The following PEBP4 variants were observed in gnomAD, a reference collection of about 807,000 sequenced individuals.
The protein encoded by PEBP4 is phosphatidylethanolamine-binding protein 4.
In PEBP4, 22 loss-of-function variants were observed where a neutral mutation model predicts 23.9. That is an observed-to-expected ratio of 0.92 (90% CI 0.66 to 1.31). The LOEUF is 1.31. Ranked by LOEUF, PEBP4 falls within the 40% of genes most tolerant of loss-of-function variation. The pLI, the probability that PEBP4 is intolerant of heterozygous loss-of-function variation, is 0.00. For missense variants in PEBP4, 324 were observed against 281.7 expected (o/e 1.15, Z -1.07); for synonymous variants, 112 against 99.3 (o/e 1.13, Z -0.76).
intron 4 of PEBP4, among the ~76,000 whole-genome samples, chr8:22,780,190 C>T (rs1490922067): frequency 6.6e-6 from 1 of 152,170 alleles, no homozygotes; most frequent in Non-Finnish European, 1.5e-5. Flanking sequence ...TCTCAAACTC[C>T]TAAGCTCAAG....
intron 4 of PEBP4, among the ~76,000 whole-genome samples, chr8:22,802,045 C>T (rs936399063): frequency 6.6e-6 from 1 of 152,168 alleles, no homozygotes; most frequent in Non-Finnish European, 1.5e-5. Flanking sequence ...TGTCCTTCCA[C>T]CCTGCTGAAG....
intron 2 of PEBP4, among the ~76,000 whole-genome samples, chr8:22,920,603 T>C (rs1158367352): frequency 5.9e-5 from 9 of 152,194 alleles, no homozygotes; most frequent in Non-Finnish European, 1.0e-4. Flanking sequence ...GAAAGTATAA[T>C]ATTAATTATC....
chr8:22,927,830 TA>T lies in PEBP4; in HGVS notation c.-15del. ...ACTTGGCAGGATAGAGACCTCTGGT[TA>T]AGCACAGGGAGAAGGACAGGCAGCT... On this transcript the variant is annotated 5_prime_UTR_variant, in exon 1 of 7. Coordinates refer to ENST00000256404, the MANE Select transcript of PEBP4 (RefSeq NM_144962.3). 2.2e-6 allele frequency: 3 copies of T among 1,372,724 alleles called. No individual in the cohort carries two copies. The South Asian group carries it at 3.9e-5, about 18-fold the overall frequency. The allele number at this position is 1,372,724 out of a possible 1,614,324, so 85.0% of individuals were successfully genotyped here. A position where few individuals can be genotyped will look rare whatever the true frequency, so the allele number is the denominator to read the frequency against.
At chr8:22,876,498 G>C (rs1291101481) in intron 3 of PEBP4, among the ~76,000 whole-genome samples, 2 of 152,144 alleles carry the variant, frequency 1.3e-5, no homozygotes, top group Non-Finnish European at 2.9e-5. Flanking sequence ...GAGAGGGTTG[G>C]CAGGACAATA....
At chr8:22,791,992 GACTACAGGC>G (rs2128757042) in intron 4 of PEBP4, among the ~76,000 whole-genome samples, 1 of 151,772 alleles carries the variant, frequency 6.6e-6, no homozygotes, top group African/African-American at 2.4e-5. Flanking sequence ...GAGTAGCTGG[GACTACAGGC>G]ACACACCACC....
chr8:22,737,176 C>T (rs941144127), intron 4 of PEBP4, among the ~76,000 whole-genome samples: 1 of 151,878 alleles, frequency 6.6e-6, no homozygotes, highest in Non-Finnish European at 1.5e-5. Flanking sequence ...CGCCTGTAGT[C>T]CCAGTTACTC....
chr8:22,769,500 G>A (rs144752292), intron 4 of PEBP4, among the ~76,000 whole-genome samples: 2 of 152,142 alleles, frequency 1.3e-5, no homozygotes, highest in South Asian at 4.1e-4. Flanking sequence ...CTTCCCTGCT[G>A]TGTGCCTCAG....
intron 6 of PEBP4, among the ~76,000 whole-genome samples, chr8:22,721,893 T>C (rs1381493792): frequency 1.3e-5 from 2 of 152,184 alleles, no homozygotes; most frequent in African/African-American, 4.8e-5. Context: ...CACCAGGCCC[T>C]GAGTGTTTCA....
intron 4 of PEBP4, among the ~76,000 whole-genome samples, chr8:22,743,957 G>A (rs1207476909): frequency 6.6e-6 from 1 of 152,232 alleles, no homozygotes; most frequent in African/African-American, 2.4e-5. Flanking sequence ...GCCTGACCCT[G>A]TTTGGCTTCT....
chr8:22,884,175 C>T (rs1240377473), intron 3 of PEBP4: 4 of 152,134 alleles, frequency 2.6e-5, no homozygotes, highest in African/African-American at 9.7e-5. Flanking sequence ...GCAGAGAGGG[C>T]TCCCACACAG....
chr8:22,936,145 A>C (rs1809536972), intron 1 of PEBP4, among the ~76,000 whole-genome samples: 1 of 152,002 alleles, frequency 6.6e-6, no homozygotes, highest in Non-Finnish European at 1.5e-5. Flanking sequence ...GGTTCTTTGA[A>C]AAACATCAGT....
At chr8:22,760,571 A>C (rs1478579851) in intron 4 of PEBP4, among the ~76,000 whole-genome samples, 2 of 150,150 alleles carry the variant, frequency 1.3e-5, no homozygotes, top group African/African-American at 5.0e-5. Context: ...GGAGGATGGC[A>C]GGGGGGGCAG....
chr8:22,770,938 CA>C (rs1235554719), intron 4 of PEBP4, among the ~76,000 whole-genome samples: 2 of 152,346 alleles, frequency 1.3e-5, no homozygotes, highest in African/African-American at 2.4e-5. Flanking sequence ...CTCATTTGCC[CA>C]CCCATAAAAT....
intron 4 of PEBP4, among the ~76,000 whole-genome samples, chr8:22,785,074 A>C (rs916517016): frequency 1.3e-5 from 2 of 151,868 alleles, no homozygotes; most frequent in South Asian, 4.2e-4. Context: ...TTTGCCGCCC[A>C]CTCTGTCCCC....
intron 4 of PEBP4, among the ~76,000 whole-genome samples, chr8:22,736,839 T>G (rs892021260): frequency 1.2e-4 from 18 of 152,202 alleles, no homozygotes; most frequent in Admixed American, 3.9e-4. Context: ...ATCTCAAATC[T>G]TATATTTTTA....
chr8:22,769,912 G>T (rs145748449), intron 4 of PEBP4, among the ~76,000 whole-genome samples: 1 of 152,054 alleles, frequency 6.6e-6, no homozygotes, highest in African/African-American at 2.4e-5. Flanking sequence ...AGTCAGTCCC[G>T]GCCTGTGCTC....
At chr8:22,918,029 TC>T (rs1809114202) in intron 3 of PEBP4, among the ~76,000 whole-genome samples, 2 of 152,164 alleles carry the variant, frequency 1.3e-5, no homozygotes, top group Admixed American at 6.5e-5. Flanking sequence ...AACCAATGTT[TC>T]CCCCTCTTTT....
intron 4 of PEBP4, among the ~76,000 whole-genome samples, chr8:22,751,617 T>A (rs1041785914): frequency 1.4e-4 from 14 of 98,676 alleles, no homozygotes; most frequent in Non-Finnish European, 1.9e-4. Context: ...TGTCTGTGTG[T>A]GTGTGTGTGT....
intron 5 of PEBP4, among the ~76,000 whole-genome samples, chr8:22,726,154 C>T (rs1804620659): frequency 6.6e-6 from 1 of 152,100 alleles, no homozygotes; most frequent in Non-Finnish European, 1.5e-5. Flanking sequence ...CGCCCCGATG[C>T]TGTTTTGGAG....
Sources: allele counts gnomAD v4.1 joint callset (sites outside exome capture counted in the v4.1 genomes callset), GRCh38; gene constraint gnomAD v4.1.1; transcripts MANE v1.5; gene names NCBI Gene and HGNC (gene_info 2026-07-23, HGNC 2026-07-21).